KIAA1671: variants seen among roughly 807,000 people sequenced by gnomAD.
KIAA1671 encodes KIAA1671, also known as uncharacterized protein KIAA1671.
KIAA1671 carries 52 observed loss-of-function variants against 131.2 expected under a neutral mutation model. The ratio of observed to expected loss-of-function variants is 0.40; its 90% confidence interval spans 0.32 to 0.50. The LOEUF is 0.50. KIAA1671 is among the 20% of genes least tolerant of loss of function. KIAA1671 has a pLI of 0.73. For missense variants in KIAA1671, 2,360 were observed against 2,364.2 expected (o/e 1.00, Z 0.04); for synonymous variants, 1,003 against 961.6 (o/e 1.04, Z -0.80).
chr22:24,988,562 C>T (rs1923673114), intron 1 of KIAA1671, among the ~76,000 whole-genome samples: 1 of 151,216 alleles, frequency 6.6e-6, no homozygotes, highest in African/African-American at 2.4e-5. Context: ...TGGTGAAACC[C>T]CATCTCTACT....
chr22:25,170,135 G>A (rs1325969301), intron 6 of KIAA1671, among the ~76,000 whole-genome samples: 2 of 152,034 alleles, frequency 1.3e-5, no homozygotes, highest in South Asian at 2.1e-4. Flanking sequence ...GGATGGTCTC[G>A]ATCTCCTGAC....
intron 9 of KIAA1671, among the ~76,000 whole-genome samples, chr22:25,178,328 A>G (rs1934114240): frequency 6.6e-6 from 1 of 152,056 alleles, no homozygotes; most frequent in South Asian, 2.1e-4. Context: ...CTGGCTTGGG[A>G]ACCTTACCCA....
At chr22:25,044,729 T>C (rs1171048932) in intron 5 of KIAA1671, among the ~76,000 whole-genome samples, 2 of 152,144 alleles carry the variant, frequency 1.3e-5, no homozygotes, top group African/African-American at 4.8e-5. Context: ...AAAAGGTGAG[T>C]GTTCCCCCAG....
intron 6 of KIAA1671, among the ~76,000 whole-genome samples, chr22:25,065,818 T>C (rs2145841837): frequency 6.6e-6 from 1 of 152,176 alleles, no homozygotes; most frequent in African/African-American, 2.4e-5. Flanking sequence ...TTTTGTACTT[T>C]TTAGTAGAGA....
At chr22:25,068,154 C>T (rs1377477245) in intron 6 of KIAA1671, among the ~76,000 whole-genome samples, 1 of 151,748 alleles carries the variant, frequency 6.6e-6, no homozygotes, top group African/African-American at 2.4e-5. Context: ...AGTTAGGGAG[C>T]AGGGCCGGCC....
At chr22:25,014,905 A>G (rs542446183) in intron 1 of KIAA1671, 1 of 152,248 alleles carries the variant, frequency 6.6e-6, no homozygotes, top group African/African-American at 2.4e-5. Context: ...AATCTAAAGC[A>G]GGGGTCAGCA....
At chr22:25,099,541 TTTTG>T (rs373250491) in intron 6 of KIAA1671, among the ~76,000 whole-genome samples, 1,577 of 12,650 alleles carry the variant, frequency 0.12, 149 homozygotes, top group African/African-American at 0.26. Flanking sequence ...ATGTGGGTTT[TTTTG>T]TTTTTTTTTT....
At chr22:25,007,501 A>G (rs77102671) in intron 1 of KIAA1671, among the ~76,000 whole-genome samples, 7,465 of 151,706 alleles carry the variant, frequency 0.049, 628 homozygotes, top group African/African-American at 0.17. Context: ...CAAGGGAAAA[A>G]AAAAAAAAAG....
In KIAA1671 at chr22:25,029,484, C is replaced by T. The variant is rs892741709; in HGVS notation, c.1485C>T (p.Pro495=). ...GWTAESSEAK[P]EVRRRTFQAR... ...CTGCCGAGAGCTCAGAGGCTAAGCC[C>T]GAGGTCAGGAGGAGGACGTTCCAGG... Residue 495 remains proline, a synonymous_variant, in exon 3 of 13, where the codon CCC becomes CCT. Transcript: ENST00000358431. The T allele has an allele frequency of 5.0e-5, 77 of 1,550,910 alleles. No homozygotes were observed. In the African/African-American group the frequency reaches 9.2e-4, roughly 18 times the overall value.
chr22:25,146,587 G>A (rs1276920334), intron 6 of KIAA1671, among the ~76,000 whole-genome samples: 2 of 152,178 alleles, frequency 1.3e-5, no homozygotes, highest in Admixed American at 6.5e-5. Context: ...GGGCTGCCTG[G>A]CTTTGACTCC....
At chr22:24,974,685 C>CTTTTTTT (rs34171375) in intron 1 of KIAA1671, among the ~76,000 whole-genome samples, 17 of 81,270 alleles carry the variant, frequency 2.1e-4, no homozygotes, top group Middle Eastern at 0.013. Context: ...CAGCTCACCT[C>CTTTTTTT]TTTTTTTTTT....
chr22:24,957,199 G>T (rs1032315844), intron 1 of KIAA1671, among the ~76,000 whole-genome samples: 3 of 152,082 alleles, frequency 2.0e-5, no homozygotes, highest in East Asian at 1.9e-4. Context: ...GTGTGTGTTG[G>T]GGGGAGAGAG....
In KIAA1671 at chr22:24,979,816, A is replaced by G. The variant is rs543718507; in HGVS notation, c.-208+27044A>G. On this transcript the variant is annotated intron_variant, in intron 1 of 12. Transcript: ENST00000358431. ...CGCCTCCCCACAACCCCTGGCAACC[A>G]CTGTTTTATTTTCTTTCTCTATGAA... Among the ~76,000 whole-genome samples, 3 of 152,074 alleles carry G rather than the reference A, an allele frequency of 2.0e-5. No homozygotes were observed. The South Asian group carries it at 6.2e-4, about 32-fold the overall frequency.
intron 8 of KIAA1671, 113 bp downstream of exon 8, chr22:25,174,602 A>G: frequency 8.1e-7 from 1 of 1,235,670 alleles, no homozygotes; most frequent in Non-Finnish European, 1.1e-6. Context: ...GTGGGTACGG[A>G]GGGCACTGTC....
intron 6 of KIAA1671, among the ~76,000 whole-genome samples, chr22:25,140,378 T>G (rs1416693999): frequency 6.6e-6 from 1 of 152,258 alleles, no homozygotes; most frequent in East Asian, 1.9e-4. Flanking sequence ...CTCTTTTTTT[T>G]TCCTTTTTTT....
intron 6 of KIAA1671, chr22:25,055,796 A>G (rs1927801090): frequency 3.4e-5 from 4 of 118,054 alleles, no homozygotes; most frequent in African/African-American, 1.2e-4. Context: ...ATAGATAGAT[A>G]TAGATAGATA....
intron 6 of KIAA1671, among the ~76,000 whole-genome samples, chr22:25,083,618 C>T (rs1929527798): frequency 6.6e-6 from 1 of 152,190 alleles, no homozygotes; most frequent in African/African-American, 2.4e-5. Context: ...ACAGTGGAGC[C>T]AAGATTTGAT....
Position 25,177,460 on chromosome 22 carries a change from C to T in KIAA1671, c.5012C>T (p.Ser1671Phe). 2 of 1,551,764 alleles carry T rather than the reference C, an allele frequency of 1.3e-6. No homozygotes were observed. The highest frequency in any genetic ancestry group is 2.4e-5 in the South Asian group (2 of 84,060). The change falls in exon 9 of 13, where the codon TCC (serine) becomes TTC (phenylalanine). Residue 1671 changes from serine (S) to phenylalanine (F), a missense_variant. Coordinates refer to ENST00000358431, the MANE Select transcript of KIAA1671 (RefSeq NM_001145206.2). ...HSLRRSRFSE[S>F]ESRSPLEDET... ...CTCCGGCGCAGCCGATTTAGTGAGT[C>T]CGAGAGCAGATCACCTTTGGAGGAT...
chr22:25,172,312 G>A (rs1271641462), intron 7 of KIAA1671, among the ~76,000 whole-genome samples: 1 of 152,152 alleles, frequency 6.6e-6, no homozygotes, highest in Non-Finnish European at 1.5e-5. Context: ...CTGCTGTCCT[G>A]CAGAGACAAT....
Sources: gnomAD v4.1 joint callset for allele counts (sites outside exome capture counted in the v4.1 genomes callset) on GRCh38, gnomAD v4.1.1 for gene constraint, MANE v1.5 for transcripts, NCBI Gene and HGNC (gene_info 2026-07-23, HGNC 2026-07-21) for gene names.